Variants in MTHFD2L observed in about 807,000 individuals in gnomAD.
MTHFD2L encodes the protein bifunctional methylenetetrahydrofolate dehydrogenase/cyclohydrolase 2, mitochondrial.
Under a neutral mutation model 34.9 loss-of-function variants are expected in MTHFD2L, and 29 were observed. The ratio of observed to expected loss-of-function variants is 0.83; its 90% CI spans 0.62 to 1.13. MTHFD2L has a LOEUF of 1.13. MTHFD2L is among the 50% of genes most tolerant of loss of function. The probability of loss-of-function intolerance (pLI) is 0.00; values close to 1 mark genes in which losing one functional copy is unlikely to be tolerated. For synonymous variants in MTHFD2L, 167 were observed against 155.7 expected (o/e 1.07, Z -0.54); for missense variants, 481 against 446.5 (o/e 1.08, Z -0.70).
At chr4:74,170,802 A>G (rs1727774466) in intron 1 of MTHFD2L, among the ~76,000 whole-genome samples, 2 of 152,054 alleles carry the variant, frequency 1.3e-5, no homozygotes, top group Admixed American at 1.3e-4. Context: ...GCAGCCATAA[A>G]AAATGATGAG....
At chr4:74,194,895 GTC>G (rs1422425063) in intron 3 of MTHFD2L, 2 of 152,162 alleles carry the variant, frequency 1.3e-5, no homozygotes, top group Admixed American at 6.5e-5. Context: ...CTGTTCTGGA[GTC>G]TCTCTGAATC....
intron 1 of MTHFD2L, among the ~76,000 whole-genome samples, chr4:74,132,142 G>A (rs1159904143): frequency 6.6e-6 from 1 of 152,086 alleles, no homozygotes; most frequent in Non-Finnish European, 1.5e-5. Flanking sequence ...ATTGTTGGTG[G>A]GAGAATAAAT....
At chr4:74,246,229 T>A (rs111914436) in intron 6 of MTHFD2L, among the ~76,000 whole-genome samples, 36,280 of 150,144 alleles carry the variant, frequency 0.24, 4,481 homozygotes, top group African/African-American at 0.3. Context: ...TGATGGCCAG[T>A]GATGATGAGC....
At chr4:74,188,963 A>G (rs951221759) in intron 3 of MTHFD2L, among the ~76,000 whole-genome samples, 78 of 152,144 alleles carry the variant, frequency 5.1e-4, no homozygotes, top group African/African-American at 1.8e-3. Context: ...AAAACTATAT[A>G]GTAAAGGACT....
At chr4:74,129,256 C>G (rs112055605) in intron 1 of MTHFD2L, among the ~76,000 whole-genome samples, 1,690 of 152,048 alleles carry the variant, frequency 0.011, 27 homozygotes, top group African/African-American at 0.039. Flanking sequence ...AATAGACATC[C>G]ACAGAACTCT....
At chr4:74,166,391 T>G (rs1726708897) in intron 1 of MTHFD2L, among the ~76,000 whole-genome samples, 2 of 152,378 alleles carry the variant, frequency 1.3e-5, no homozygotes, top group South Asian at 4.1e-4. Context: ...TGTGTCTCTG[T>G]GTCTTCTCTT....
chr4:74,153,375 G>C (rs544583427), upstream of MTHFD2L, among the ~76,000 whole-genome samples: 1 of 152,280 alleles, frequency 6.6e-6, no homozygotes, highest in African/African-American at 2.4e-5. Context: ...TTACATGGAC[G>C]CATATATCTC....
rs553717503 is a variant in MTHFD2L, at chr4:74,291,267, G to A, written c.931+9717G>A. ...CCTGACCTCGTGATTTGCCCAGCTCGGCCTCCCAAAGTGCTGGGATTACAG... is the reference window on the plus strand; with the variant it reads ...CCTGACCTCGTGATTTGCCCAGCTCAGCCTCCCAAAGTGCTGGGATTACAG... On this transcript the variant is annotated intron_variant, in intron 7 of 7. Transcript: ENST00000325278. 1.4e-3 allele frequency among the ~76,000 whole-genome samples: 210 copies of A among 151,542 alleles called. 1 individual carries two copies. Among genetic ancestry groups the A allele is most frequent in the African/African-American group, 4.6e-3 (191 of 41,352 alleles).
At chr4:74,141,964 T>C (rs1456407278) in intron 1 of MTHFD2L, among the ~76,000 whole-genome samples, 2 of 152,152 alleles carry the variant, frequency 1.3e-5, no homozygotes, top group Admixed American at 1.3e-4. Flanking sequence ...AACTTAGATG[T>C]GAAATGAAAT....
At chr4:74,206,151 G>C (rs1243070031) in intron 5 of MTHFD2L, among the ~76,000 whole-genome samples, 1 of 151,898 alleles carries the variant, frequency 6.6e-6, no homozygotes, top group Non-Finnish European at 1.5e-5. Context: ...AAAAAAAAGG[G>C]AAGCAGCCAG....
chr4:74,130,808 C>T (rs1722436734), intron 1 of MTHFD2L, among the ~76,000 whole-genome samples: 1 of 152,136 alleles, frequency 6.6e-6, no homozygotes, highest in Non-Finnish European at 1.5e-5. Context: ...TCTCTATTTG[C>T]AAATGACATG....
chr4:74,291,871 C>T (rs1441287965), intron 7 of MTHFD2L, among the ~76,000 whole-genome samples: 1 of 152,186 alleles, frequency 6.6e-6, no homozygotes, highest in African/African-American at 2.4e-5. Context: ...CAGTGTCAAT[C>T]ATTTAATTTG....
intron 6 of MTHFD2L, among the ~76,000 whole-genome samples, chr4:74,228,032 G>A (rs1456680684): frequency 6.6e-6 from 1 of 152,154 alleles, no homozygotes; most frequent in Non-Finnish European, 1.5e-5. Context: ...TCCTCATAGA[G>A]TAAAAATAGA....
At chr4:74,128,826 C>G (rs1722263241) in intron 1 of MTHFD2L, among the ~76,000 whole-genome samples, 1 of 151,988 alleles carries the variant, frequency 6.6e-6, no homozygotes, top group African/African-American at 2.4e-5. Flanking sequence ...GCAGCATGTA[C>G]TTGGGTCTTG....
intron 1 of MTHFD2L, among the ~76,000 whole-genome samples, chr4:74,139,461 C>A (rs187307337): frequency 7.2e-5 from 11 of 152,290 alleles, no homozygotes; most frequent in Non-Finnish European, 1.3e-4. Context: ...CCTTCAGACA[C>A]TTGTGATGCT....
intron 7 of MTHFD2L, 36 bp downstream of exon 7, chr4:74,281,586 TAAAA>T: frequency 6.4e-7 from 1 of 1,568,766 alleles, no homozygotes; most frequent in Non-Finnish European, 8.6e-7. Flanking sequence ...GTGAAGAAGA[TAAAA>T]AAATTCCACC....
chr4:74,210,115 C>A (rs1736044788), intron 5 of MTHFD2L, among the ~76,000 whole-genome samples: 1 of 152,136 alleles, frequency 6.6e-6, no homozygotes, highest in Non-Finnish European at 1.5e-5. Flanking sequence ...GGATAGATTG[C>A]AAATTTTTTC....
At chr4:74,264,649 A>G (rs1012646202) in intron 6 of MTHFD2L, among the ~76,000 whole-genome samples, 1 of 152,010 alleles carries the variant, frequency 6.6e-6, no homozygotes, top group African/African-American at 2.4e-5. Flanking sequence ...TAATATTTTT[A>G]AGGGCAGTGA....
intron 1 of MTHFD2L, chr4:74,143,337 G>C: frequency 1.2e-6 from 1 of 849,246 alleles, no homozygotes; most frequent in Non-Finnish European, 1.4e-6. Flanking sequence ...TGACAGTGAA[G>C]GCAAAGAAAT....
Sources: allele counts gnomAD v4.1 joint callset (sites outside exome capture counted in the v4.1 genomes callset), GRCh38; gene constraint gnomAD v4.1.1; transcripts MANE v1.5; gene names NCBI Gene and HGNC (gene_info 2026-07-23, HGNC 2026-07-21).